Variants in FHIT observed in about 807,000 individuals in gnomAD.
The protein encoded by FHIT is fragile histidine triad diadenosine triphosphatase.
FHIT carries 19 observed loss-of-function variants against 17.9 expected under a neutral mutation model. The ratio of observed to expected loss-of-function variants is 1.06; its 90% CI spans 0.74 to 1.56. The LOEUF is 1.56. Among genes scored for constraint, FHIT ranks in the 40% most tolerant of loss-of-function variants. FHIT has a pLI of 0.00. For missense variants in FHIT, 248 were observed against 189.2 expected (o/e 1.31, Z -1.82); for synonymous variants, 81 against 69.7 (o/e 1.16, Z -0.81).
intron 8 of FHIT, among the ~76,000 whole-genome samples, chr3:59,802,615 C>T (rs1462323879): frequency 1.3e-5 from 2 of 152,112 alleles, no homozygotes; most frequent in African/African-American, 4.8e-5. Context: ...TAAAACGGCC[C>T]CACCCCATCT....
chr3:60,690,699 GA>G, intron 4 of FHIT: 1 of 455,384 alleles, frequency 2.2e-6, no homozygotes, highest in Non-Finnish European at 4.4e-6. Context: ...CAATGTCGAA[GA>G]AAACAGTGGG....
At chr3:60,259,578 C>G (rs1706190022) in intron 5 of FHIT, among the ~76,000 whole-genome samples, 1 of 152,096 alleles carries the variant, frequency 6.6e-6, no homozygotes, top group Admixed American at 6.6e-5. Context: ...AGGAACTAAG[C>G]TTAGTAATTT....
At chr3:60,250,732 T>C (rs1705663797) in intron 5 of FHIT, among the ~76,000 whole-genome samples, 1 of 152,092 alleles carries the variant, frequency 6.6e-6, no homozygotes, top group African/African-American at 2.4e-5. Flanking sequence ...GGCTTTGCAA[T>C]TACCCACTAC....
At chr3:60,030,630 C>G (rs1253809624) in intron 5 of FHIT, among the ~76,000 whole-genome samples, 1 of 152,110 alleles carries the variant, frequency 6.6e-6, no homozygotes, top group African/African-American at 2.4e-5. Flanking sequence ...GGGCAGAAAT[C>G]AGGAATGTCT....
intron 5 of FHIT, among the ~76,000 whole-genome samples, chr3:60,416,857 C>T (rs558939610): frequency 9.2e-5 from 14 of 152,062 alleles, no homozygotes; most frequent in East Asian, 1.9e-4. Context: ...GAGGCCGAGG[C>T]GGGAGGATCA....
At chr3:60,871,715 C>G (rs1704424983) in intron 3 of FHIT, among the ~76,000 whole-genome samples, 1 of 152,050 alleles carries the variant, frequency 6.6e-6, no homozygotes, top group South Asian at 2.1e-4. Flanking sequence ...CTCAATGTAG[C>G]CTTGACCTCC....
intron 5 of FHIT, among the ~76,000 whole-genome samples, chr3:60,200,436 C>A (rs1368756842): frequency 6.6e-6 from 1 of 152,062 alleles, no homozygotes; most frequent in Non-Finnish European, 1.5e-5. Context: ...TTGACCTCCC[C>A]CTTCTCTAGG....
At chr3:60,771,481 G>A (rs1427375470) in intron 4 of FHIT, among the ~76,000 whole-genome samples, 5 of 152,164 alleles carry the variant, frequency 3.3e-5, no homozygotes, top group Non-Finnish European at 5.9e-5. Flanking sequence ...TTCCCATGTT[G>A]ATCAGTGACT....
intron 5 of FHIT, among the ~76,000 whole-genome samples, chr3:60,510,506 A>C (rs893226931): frequency 4.6e-5 from 7 of 152,114 alleles, no homozygotes; most frequent in African/African-American, 1.7e-4. Context: ...CTTTTATCTC[A>C]TTTTTTGTGA....
intron 4 of FHIT, among the ~76,000 whole-genome samples, chr3:60,738,970 G>A (rs2042189284): frequency 6.6e-6 from 1 of 152,182 alleles, no homozygotes; most frequent in South Asian, 2.1e-4. Context: ...AGGAGAAGAG[G>A]AGAAAAGCAG....
intron 3 of FHIT, among the ~76,000 whole-genome samples, chr3:60,921,552 T>C (rs531489167): frequency 7.2e-5 from 11 of 152,354 alleles, no homozygotes; most frequent in Middle Eastern, 3.4e-3. Flanking sequence ...ATTCATGATA[T>C]TATAGCTTTT....
chr3:60,212,201 C>G (rs1177734725), intron 5 of FHIT, among the ~76,000 whole-genome samples: 1 of 152,032 alleles, frequency 6.6e-6, no homozygotes. Flanking sequence ...TTTAAGGCTC[C>G]CAGTGAAAAC....
intron 3 of FHIT, among the ~76,000 whole-genome samples, chr3:61,029,543 G>A (rs1245814223): frequency 2.0e-5 from 3 of 152,126 alleles, no homozygotes; most frequent in Non-Finnish European, 4.4e-5. Context: ...CACATCTTCA[G>A]TGACCTGAAA....
chr3:60,653,289 G>C lies in FHIT; in HGVS notation c.-17-116310C>G, dbSNP rs569169580. Among the ~76,000 whole-genome samples the C allele has an allele frequency of 2.0e-5, 3 of 152,178 alleles. No individual in the cohort carries two copies. In the South Asian group the frequency reaches 6.2e-4, roughly 32 times the overall value. ...ATTTGGTAACTACAAAACAAAAACA[G>C]GGTTCTATTGAAAAGGAATAATCAG... On this transcript the variant is annotated intron_variant, in intron 4 of 9. Coordinates refer to ENST00000492590, the MANE Select transcript of FHIT (RefSeq NM_002012.4).
chr3:60,746,224 AG>A (rs1485200472), intron 4 of FHIT, among the ~76,000 whole-genome samples: 2 of 152,206 alleles, frequency 1.3e-5, no homozygotes, highest in Non-Finnish European at 2.9e-5. Context: ...CAAAAGACAA[AG>A]GTTTCTCTTC....
chr3:60,663,038 G>A (rs782243156), intron 4 of FHIT, among the ~76,000 whole-genome samples: 7 of 150,338 alleles, frequency 4.7e-5, no homozygotes, highest in Non-Finnish European at 8.9e-5. Flanking sequence ...AATCATTTGA[G>A]CCTATTTATG....
At chr3:60,714,435 G>T (rs1334447710) in intron 4 of FHIT, among the ~76,000 whole-genome samples, 1 of 152,136 alleles carries the variant, frequency 6.6e-6, no homozygotes, top group Non-Finnish European at 1.5e-5. Context: ...TCTGGCCAGG[G>T]CAATTAGGCA....
At chr3:60,740,923 GTTTTGTT>G (rs2042227439) in intron 4 of FHIT, among the ~76,000 whole-genome samples, 1 of 152,072 alleles carries the variant, frequency 6.6e-6, no homozygotes, top group Admixed American at 6.5e-5. Flanking sequence ...TTTTTGTTTT[GTTTTGTT>G]TTTTGTTTTG....
chr3:60,627,860 CTTCT>C (rs1158870290), intron 4 of FHIT, among the ~76,000 whole-genome samples: 1 of 152,132 alleles, frequency 6.6e-6, no homozygotes, highest in Non-Finnish European at 1.5e-5. Flanking sequence ...TAATTTGAGT[CTTCT>C]TTCTTTCCTG....
Sources: allele counts gnomAD v4.1 joint callset (sites outside exome capture counted in the v4.1 genomes callset), GRCh38; gene constraint gnomAD v4.1.1; transcripts MANE v1.5; gene names NCBI Gene and HGNC (gene_info 2026-07-23, HGNC 2026-07-21).